MEPE: variants seen among roughly 807,000 people sequenced by gnomAD.
The protein encoded by MEPE is matrix extracellular phosphoglycoprotein.
A neutral mutation model predicts 7.3 loss-of-function variants in MEPE; 7 were observed. The observed-to-expected ratio is 0.95, with a 90% CI of 0.54 to 1.79. MEPE has a LOEUF of 1.79. Among genes scored for constraint, MEPE ranks in the 40% most tolerant of loss-of-function variants. The probability of loss-of-function intolerance (pLI) is 0.00; values close to 1 mark genes in which losing one functional copy is unlikely to be tolerated. For synonymous variants in MEPE, 214 were observed against 213.1 expected (o/e 1.00, Z -0.04); for missense variants, 623 against 628.2 (o/e 0.99, Z 0.09).
chr4:87,829,567 T>A (rs192622383), upstream of MEPE, among the ~76,000 whole-genome samples: 1 of 152,272 alleles, frequency 6.6e-6, no homozygotes, highest in Non-Finnish European at 1.5e-5. Context: ...CTAAGGCACA[T>A]ATCAAGTGTT....
At chr4:87,824,715 G>GT (rs200039208) in intron 1 of MEPE, among the ~76,000 whole-genome samples, 242 of 151,846 alleles carry the variant, frequency 1.6e-3, no homozygotes, top group South Asian at 0.012. Context: ...TTTTCTTTGT[G>GT]TTTTTTTTGT....
chr4:87,846,126 A>G lies in MEPE; in HGVS notation c.1258A>G (p.Thr420Ala), dbSNP rs1164672150. The change falls in exon 4 of 4, where the codon ACC becomes GCC. Residue 420 changes from threonine to alanine, a missense_variant. Transcript: ENST00000361056. ...AGATCATTCTAATAGGAACCAAGCAACCTTAAATGAAAAACAAAGGTTTCC... is the reference window on the plus strand; with the variant it reads ...AGATCATTCTAATAGGAACCAAGCAGCCTTAAATGAAAAACAAAGGTTTCC... ...GVDHSNRNQA[T>A]LNEKQRFPSK... is the part of the protein sequence containing the mutation. 6.2e-7 allele frequency: 1 copy of G among 1,612,928 alleles called. No homozygotes were observed. Among genetic ancestry groups the G allele is most frequent in the Admixed American group, 1.7e-5 (1 of 59,862 alleles).
At chr4:87,832,183 C>T (rs773883835), upstream of MEPE, among the ~76,000 whole-genome samples, 18 of 152,072 alleles carry the variant, frequency 1.2e-4, no homozygotes, top group Non-Finnish European at 1.9e-4. Flanking sequence ...CCCATTCATA[C>T]TGGGGTCTGC....
Position 87,846,390 on chromosome 4 carries a change from G to C in MEPE, c.1522G>C (p.Asp508His). 1.2e-6 allele frequency: 2 copies of C among 1,614,054 alleles called. No homozygotes were observed. The highest frequency in any genetic ancestry group is 2.2e-5 in the South Asian group (2 of 91,078). The change falls in exon 4 of 4, where the codon GAT (aspartate) becomes CAT (histidine). Residue 508 changes from aspartate to histidine, a missense_variant. Coordinates refer to ENST00000361056, the MANE Select transcript of MEPE (RefSeq NM_020203.6). The part of the protein sequence containing the change: ...SNRRFSSRRR[D>H]DSSESSDSGS... ...CAGGAGGTTTAGTTCCCGTAGAAGG[G>C]ATGACAGTAGTGAGTCATCTGACAG...
chr4:87,846,365 C>A lies in MEPE; in HGVS notation c.1497C>A (p.Asn499Lys), dbSNP rs201756883. ...KGSWGRQPHS[N>K]RRFSSRRRDD... ...CCTGGGGTAGACAACCCCATTCCAACAGGAGGTTTAGTTCCCGTAGAAGGG... is the reference window on the plus strand; with the variant it reads ...CCTGGGGTAGACAACCCCATTCCAAAAGGAGGTTTAGTTCCCGTAGAAGGG... Residue 499 changes from asparagine (N) to lysine (K), a missense_variant, in exon 4 of 4, where the codon AAC (asparagine) becomes AAA (lysine). Transcript: ENST00000361056. 17 of 1,614,042 alleles carry A rather than the reference C, an allele frequency of 1.1e-5. No homozygotes were observed. The East Asian group carries it at 3.1e-4, about 30-fold the overall frequency.
chr4:87,828,720 A>C (rs2109990427), upstream of MEPE, among the ~76,000 whole-genome samples: 1 of 152,304 alleles, frequency 6.6e-6, no homozygotes, highest in Non-Finnish European at 1.5e-5. Flanking sequence ...CCACGACAGG[A>C]TGAAGCATGT....
chr4:87,833,650 T>C (rs1220214038), intron 1 of MEPE, among the ~76,000 whole-genome samples: 2 of 152,160 alleles, frequency 1.3e-5, no homozygotes, highest in East Asian at 3.8e-4. Context: ...AATTTATTGT[T>C]TTCACAATAT....
chr4:87,823,043 C>A (rs554255844), intron 1 of MEPE, among the ~76,000 whole-genome samples: 31 of 152,318 alleles, frequency 2.0e-4, no homozygotes, highest in African/African-American at 7.0e-4. Flanking sequence ...GTTTGGGAAG[C>A]ATTGAGTGTC....
chr4:87,844,422 C>T (rs1723128854), intron 3 of MEPE, among the ~76,000 whole-genome samples: 1 of 152,174 alleles, frequency 6.6e-6, no homozygotes, highest in Non-Finnish European at 1.5e-5. Context: ...TCTGCTTTCT[C>T]TTTTTCATCC....
In MEPE at chr4:87,846,784, C is replaced by T. The variant is rs896967026; in HGVS notation, c.*338C>T. ...AGACATGAAAATAAACAATATCTCT[C>T]GATGATAATTTGTATTAAGTAATCT... is the stretch of plus-strand genomic sequence containing the variant. On this transcript the variant is annotated 3_prime_UTR_variant, in exon 4 of 4. Transcript: ENST00000361056. The T allele has an allele frequency of 1.5e-5, 3 of 201,798 alleles. No homozygotes were observed. Among genetic ancestry groups the T allele is most frequent in the Non-Finnish European group, 3.0e-5 (3 of 100,364 alleles). The allele number at this position is 201,798 out of a possible 1,614,324, so 12.5% of individuals were successfully genotyped here.
At position 87,844,966 on chromosome 4, in the gene MEPE, T is replaced by C. The variant is rs923619472; in HGVS notation, c.109-11T>C. The C allele has an allele frequency of 6.6e-7, 1 of 1,518,176 alleles. No individual in the cohort carries two copies. The allele number at this position is 1,518,176 out of a possible 1,614,324, so 94.0% of individuals were successfully genotyped here. A position where few individuals can be genotyped will look rare whatever the true frequency, so the allele number is the denominator to read the frequency against. On this transcript the variant is annotated splice_polypyrimidine_tract_variant and intron_variant, in intron 3 of 3. Transcript: ENST00000361056. ...TAAAATAATCACTTCATATTGAAAA[T>C]TGTATTTTAGCAGGAAGAAAAAAAC...
In MEPE at chr4:87,846,127, C is replaced by T; in HGVS notation, c.1259C>T (p.Thr420Ile). 1.3e-6 allele frequency: 2 copies of T among 1,584,304 alleles called. No homozygotes were observed. The highest frequency in any genetic ancestry group is 8.6e-7 in the Non-Finnish European group (1 of 1,165,570). ...GATCATTCTAATAGGAACCAAGCAA[C>T]CTTAAATGAAAAACAAAGGTTTCCT... ...GVDHSNRNQA[T>I]LNEKQRFPSK... Residue 420 changes from threonine (T) to isoleucine (I), a missense_variant, in exon 4 of 4, where the codon ACC (threonine) becomes ATC (isoleucine). Transcript: ENST00000361056.
rs143167488 is a variant in MEPE, at chr4:87,846,376, G to C, written c.1508G>C (p.Ser503Thr). 2.5e-5 allele frequency: 40 copies of C among 1,613,960 alleles called. No individual in the cohort carries two copies. The highest frequency in any genetic ancestry group is 3.1e-5 in the Non-Finnish European group (36 of 1,179,974). ...GRQPHSNRRFSSRRRDDSSES... is the reference protein window; with the variant it reads ...GRQPHSNRRFTSRRRDDSSES... ...CAACCCCATTCCAACAGGAGGTTTA[G>C]TTCCCGTAGAAGGGATGACAGTAGT... The change falls in exon 4 of 4, where the codon AGT becomes ACT. Residue 503 changes from serine to threonine, a missense_variant. Coordinates refer to ENST00000361056, the MANE Select transcript of MEPE (RefSeq NM_020203.6).
intron 3 of MEPE, chr4:87,839,712 C>A (rs1048222411): frequency 6.5e-7 from 1 of 1,549,990 alleles, no homozygotes; most frequent in Non-Finnish European, 8.7e-7. Context: ...CTATGAGAAA[C>A]ATGGGCATTA....
upstream of MEPE, among the ~76,000 whole-genome samples, chr4:87,828,524 A>G (rs1722526557): frequency 6.6e-6 from 1 of 152,182 alleles, no homozygotes; most frequent in Non-Finnish European, 1.5e-5. Context: ...TACCAAAGCA[A>G]TTAATCCCAG....
In MEPE at chr4:87,826,380, GTTTTT is replaced by G. The variant is rs34088812; in HGVS notation, c.-13+4916_-13+4920del. 3.5e-4 allele frequency among the ~76,000 whole-genome samples: 51 copies of G among 146,844 alleles called. No individual in the cohort carries two copies. In the South Asian group the frequency reaches 0.011, roughly 32 times the overall value. ...ACTGCAGGTGCACACCACCACAACA[GTTTTT>G]TTTTTTGTTTTTGTTTTTTGTTTTT... On this transcript the variant is annotated intron_variant, in intron 1 of 3. Coordinates refer to the MEPE transcript ENST00000424957.
chr4:87,846,135 G>C lies in MEPE; in HGVS notation c.1267G>C (p.Glu423Gln), dbSNP rs1186531561. ...HSNRNQATLNEKQRFPSKGKS... is the reference protein window; with the variant it reads ...HSNRNQATLNQKQRFPSKGKS... ...TAATAGGAACCAAGCAACCTTAAAT[G>C]AAAAACAAAGGTTTCCTAGTAAGGG... The change falls in exon 4 of 4, where the codon GAA (glutamate) becomes CAA (glutamine). Residue 423 changes from glutamate to glutamine, a missense_variant. Transcript: ENST00000361056. 1 of 1,613,664 alleles carries C rather than the reference G, an allele frequency of 6.2e-7. No homozygotes were observed. Among genetic ancestry groups the C allele is most frequent in the African/African-American group, 1.3e-5 (1 of 74,836 alleles).
intron 3 of MEPE, among the ~76,000 whole-genome samples, chr4:87,842,266 G>A (rs1414695775): frequency 6.6e-6 from 1 of 151,988 alleles, no homozygotes; most frequent in African/African-American, 2.4e-5. Flanking sequence ...CCTGCGTTTG[G>A]TTTTTCTATT....
chr4:87,824,675 C>T (rs1211907044), intron 1 of MEPE, among the ~76,000 whole-genome samples: 1 of 152,150 alleles, frequency 6.6e-6, no homozygotes, highest in Non-Finnish European at 1.5e-5. Context: ...TGTCATTAAT[C>T]ACTTAAGAGA....
Sources: allele counts gnomAD v4.1 joint callset (sites outside exome capture counted in the v4.1 genomes callset), GRCh38; gene constraint gnomAD v4.1.1; transcripts MANE v1.5; gene names NCBI Gene and HGNC (gene_info 2026-07-23, HGNC 2026-07-21).